Variants in ZC3HAV1 observed in about 807,000 individuals in gnomAD.
ZC3HAV1 encodes the protein zinc finger CCCH-type containing, antiviral 1.
A neutral mutation model predicts 86.6 loss-of-function variants in ZC3HAV1; 41 were observed. That is an observed-to-expected ratio of 0.47 (90% CI 0.37 to 0.61). ZC3HAV1 has a LOEUF of 0.61. ZC3HAV1 is among the 20% of genes least tolerant of loss of function. The pLI is 0.00. For synonymous variants in ZC3HAV1, 421 were observed against 432.1 expected, an observed-to-expected ratio of 0.97 and a Z score of 0.32; for missense variants, 964 against 1,141.1, an observed-to-expected ratio of 0.84 and a Z score of 2.24.
intron 7 of ZC3HAV1, 101 bp downstream of exon 7, chr7:139,073,755 T>G: frequency 8.0e-7 from 1 of 1,248,014 alleles, no homozygotes; most frequent in South Asian, 1.6e-5. Context: ...CCTCCCAAAG[T>G]GCTGGGCTTA....
At chr7:139,075,764 C>A (rs28642948) in intron 6 of ZC3HAV1, among the ~76,000 whole-genome samples, 5,169 of 152,208 alleles carry the variant, frequency 0.034, 296 homozygotes, top group African/African-American at 0.12. Flanking sequence ...AAGGTACCCT[C>A]TTAGATGCCT....
chr7:139,089,837 G>C, intron 1 of ZC3HAV1, 78 bp from the exon 2 acceptor site: 1 of 1,479,806 alleles, frequency 6.8e-7, no homozygotes, highest in Non-Finnish European at 9.0e-7. Flanking sequence ...AAAACTTTCA[G>C]TCTGCAAAGA....
intron 9 of ZC3HAV1, among the ~76,000 whole-genome samples, chr7:139,058,583 G>A (rs1816357374): frequency 6.6e-6 from 1 of 152,298 alleles, no homozygotes; most frequent in Admixed American, 6.5e-5. Flanking sequence ...GTATTACAAG[G>A]TAGAAGTGGG....
At position 139,080,188 on chromosome 7, in the gene ZC3HAV1, A is replaced by G. The variant is rs752724558; in HGVS notation, c.753T>C (p.Asp251=). The G allele has an allele frequency of 6.2e-7, 1 of 1,614,142 alleles. No individual in the cohort carries two copies. Among genetic ancestry groups the G allele is most frequent in the Non-Finnish European group, 8.5e-7 (1 of 1,180,030 alleles). Residue 251 remains aspartate, a synonymous_variant, in exon 4 of 13, where the codon GAT becomes GAC. Coordinates refer to ENST00000242351, the MANE Select transcript of ZC3HAV1 (RefSeq NM_020119.4). Reference sequence around the variant, plus strand: ...ATTCTTGGCTGCCCTGAAAGAACCGATCTCTACTCTTGCTTCTAGCCCTAT... The same window carrying G: ...ATTCTTGGCTGCCCTGAAAGAACCGGTCTCTACTCTTGCTTCTAGCCCTAT... ...MAYRARSKSR[D]RFFQGSQEFL... is the part of the protein sequence containing the mutation.
rs750402901 is a variant in ZC3HAV1, at chr7:139,073,816, G to A, written c.1872+40C>T. The A allele has an allele frequency of 3.9e-6, 6 of 1,557,022 alleles. No individual in the cohort carries two copies. In the Admixed American group the frequency reaches 7.4e-5, roughly 19 times the overall value. On this transcript the variant is annotated intron_variant, in intron 7 of 12. Transcript: ENST00000242351. ...AACAGTGTTCTTTTTAAGTTGACAA[G>A]TTTAAACAAGAGCCCCCTACAAGGA...
chr7:139,048,935 A>T (rs574893146), intron 12 of ZC3HAV1, among the ~76,000 whole-genome samples: 15 of 152,056 alleles, frequency 9.9e-5, no homozygotes, highest in Non-Finnish European at 1.9e-4. Flanking sequence ...TTCCCAAAAC[A>T]GTTTATGGCT....
chr7:139,082,547 C>A (rs981510507), intron 3 of ZC3HAV1, among the ~76,000 whole-genome samples: 1 of 152,110 alleles, frequency 6.6e-6, no homozygotes, highest in African/African-American at 2.4e-5. Flanking sequence ...TATCTGTACA[C>A]CATGTTTACA....
chr7:139,103,057 G>T (rs1817823304), intron 1 of ZC3HAV1, among the ~76,000 whole-genome samples: 1 of 148,336 alleles, frequency 6.7e-6, no homozygotes, highest in African/African-American at 2.5e-5. Flanking sequence ...AAATTTTTTT[G>T]GAGACAGAGC....
At chr7:139,070,663 CAAAA>C (rs765065216) in intron 7 of ZC3HAV1, among the ~76,000 whole-genome samples, 1 of 54,438 alleles carries the variant, frequency 1.8e-5, no homozygotes, top group Non-Finnish European at 3.8e-5. Flanking sequence ...GACTCCGTCT[CAAAA>C]AAAAAAAAAA....
At position 139,044,101 on chromosome 7, in the gene ZC3HAV1, AC is replaced by A; in HGVS notation, c.*3492del. On this transcript the variant is annotated 3_prime_UTR_variant, in exon 13 of 13. Coordinates refer to ENST00000242351, the MANE Select transcript of ZC3HAV1 (RefSeq NM_020119.4). Reference sequence around the variant, plus strand: ...ATGTCCTGCTGGACATTTAGGTAGGACCTACAGCTTGTCCGAGAGAGTAACT... The same window carrying A: ...ATGTCCTGCTGGACATTTAGGTAGGACTACAGCTTGTCCGAGAGAGTAACT... The A allele has an allele frequency of 6.6e-6, 1 of 152,228 alleles. No homozygotes were observed. The highest frequency in any genetic ancestry group is 1.5e-5 in the Non-Finnish European group (1 of 68,038). 9.4% of individuals were successfully genotyped at this position (152,228 alleles called of 1,614,324 possible). A position where few individuals can be genotyped will look rare whatever the true frequency, so the allele number is the denominator to read the frequency against.
rs1818018953 is a variant in ZC3HAV1 at position 139,108,933 on chromosome 7, C to T, written c.308+91G>A. On this transcript the variant is annotated intron_variant, in intron 1 of 12. Transcript: ENST00000242351. The surrounding 1 kb of genome is among the most constrained non-coding windows in gnomAD (Gnocchi z 4.2). ...GAGGCTGTCAGGTGCGGGGTCCCGG[C>T]GAAGCCGTGCCCCTCCCAGAACATT... is the stretch of plus-strand genomic sequence containing the variant. 1.4e-6 allele frequency: 2 copies of T among 1,432,310 alleles called. No homozygotes were observed. The highest frequency in any genetic ancestry group is 1.9e-6 in the Non-Finnish European group (2 of 1,080,292). 88.7% of individuals were successfully genotyped at this position (1,432,310 alleles called of 1,614,324 possible). A position where few individuals can be genotyped will look rare whatever the true frequency, so the allele number is the denominator to read the frequency against.
At chr7:139,095,665 G>A (rs1220974544) in intron 1 of ZC3HAV1, among the ~76,000 whole-genome samples, 1 of 152,212 alleles carries the variant, frequency 6.6e-6, no homozygotes, top group Non-Finnish European at 1.5e-5. Flanking sequence ...ATACCCTACA[G>A]TTGTACCAAG....
intron 1 of ZC3HAV1, among the ~76,000 whole-genome samples, chr7:139,097,012 A>G (rs1367276612): frequency 1.3e-5 from 2 of 151,980 alleles, no homozygotes; most frequent in African/African-American, 2.4e-5. Flanking sequence ...AATCCCAGCT[A>G]CTTCAGAGCT....
chr7:139,108,621 G>T lies in ZC3HAV1; in HGVS notation c.308+403C>A, dbSNP rs570385000. ...CACGTCTAGGGAAGGAGGTAGTAGG[G>T]AGGGAAAGACTCAAGATACCAAAGA... is the stretch of plus-strand genomic sequence containing the variant. On this transcript the variant is annotated intron_variant, in intron 1 of 12. Transcript: ENST00000242351. This position sits in a 1 kb window ranked among gnomAD's most constrained non-coding sequence, Gnocchi z 4.2. Among the ~76,000 whole-genome samples, 1 of 152,340 alleles carries T rather than the reference G, an allele frequency of 6.6e-6. No homozygotes were observed. Among genetic ancestry groups the T allele is most frequent in the African/African-American group, 2.4e-5 (1 of 41,588 alleles).
At position 139,061,594 on chromosome 7, in the gene ZC3HAV1, G is replaced by GT. The variant is rs140227896; in HGVS notation, c.1994-457dup. Among the ~76,000 whole-genome samples, 1,191 of 152,318 alleles carry GT rather than the reference G, an allele frequency of 7.8e-3. 12 individuals carry two copies. The highest frequency in any genetic ancestry group is 0.027 in the African/African-American group (1,139 of 41,564). On this transcript the variant is annotated intron_variant, in intron 8 of 12. Transcript: ENST00000242351. ...GTAACCAGAGTGAACCCTTCAGAAAGTAAGTCATAATACATTGCTAGTGAG... is the reference window on the plus strand; with the variant it reads ...GTAACCAGAGTGAACCCTTCAGAAAGTTAAGTCATAATACATTGCTAGTGAG...
intron 3 of ZC3HAV1, among the ~76,000 whole-genome samples, chr7:139,083,558 G>A (rs896965318): frequency 1.1e-4 from 17 of 151,798 alleles, no homozygotes; most frequent in Non-Finnish European, 1.9e-4. Context: ...GCGAAACCCC[G>A]TCTCTAATTT....
At chr7:139,084,251 C>T (rs1050892346) in intron 2 of ZC3HAV1, among the ~76,000 whole-genome samples, 1 of 152,146 alleles carries the variant, frequency 6.6e-6, no homozygotes, top group African/African-American at 2.4e-5. Flanking sequence ...AGATACTGAT[C>T]AATTTGATAA....
rs1028812626 is a variant in ZC3HAV1 at position 139,108,761 on chromosome 7, T to C, written c.308+263A>G. Among the ~76,000 whole-genome samples, 2 of 152,082 alleles carry C rather than the reference T, an allele frequency of 1.3e-5. No individual in the cohort carries two copies. The highest frequency in any genetic ancestry group is 4.8e-5 in the African/African-American group (2 of 41,404). Reference sequence around the variant, plus strand: ...GGGCGGGCGGGGAAAGGGGTGGAGGTTGAGCCTGGTCTCCTCCAGGCACTA... The same window carrying C: ...GGGCGGGCGGGGAAAGGGGTGGAGGCTGAGCCTGGTCTCCTCCAGGCACTA... On this transcript the variant is annotated intron_variant, in intron 1 of 12. Transcript: ENST00000242351. This position sits in a 1 kb window ranked among gnomAD's most constrained non-coding sequence, Gnocchi z 4.2.
rs181641415 is a variant in ZC3HAV1, at chr7:139,064,999, T to C, written c.1873A>G (p.Lys625Glu). 6.2e-7 allele frequency: 1 copy of C among 1,613,844 alleles called. No homozygotes were observed. The highest frequency in any genetic ancestry group is 1.7e-5 in the Admixed American group (1 of 59,908). Residue 625 changes from lysine (K) to glutamate (E), a missense_variant and splice_region_variant, in exon 8 of 13, where the codon AAA (lysine) becomes GAA (glutamate). Physicochemically the swap from Lys to Glu is moderately conservative, Grantham distance 56. Coordinates refer to ENST00000242351, the MANE Select transcript of ZC3HAV1 (RefSeq NM_020119.4). ...SGTWIQYGEE[K>E]DKRKNSNVDS... The stretch of plus-strand genomic sequence containing the variant: ...ACGTTTGAATTTTTCCGTTTGTCTT[T>C]CTAATTGGAAAAAAAATAAAAGGTA...
Sources: gnomAD v4.1 joint callset for allele counts (sites outside exome capture counted in the v4.1 genomes callset) on GRCh38, gnomAD v4.1.1 for gene constraint, Gnocchi (gnomAD v3.1) non-coding constraint, MANE v1.5 for transcripts, NCBI Gene and HGNC (gene_info 2026-07-23, HGNC 2026-07-21) for gene names.